The following SCML4 variants were observed in gnomAD, a reference collection of about 807,000 sequenced individuals.
SCML4 encodes Scm polycomb group protein like 4.
A neutral mutation model predicts 41.1 loss-of-function variants in SCML4; 34 were observed. The observed-to-expected ratio is 0.83, with a 90% CI of 0.63 to 1.10. The LOEUF (loss-of-function observed/expected upper bound fraction) is 1.10, where lower values mean the gene tolerates loss of function less well. Ranked by LOEUF, SCML4 falls within the 50% of genes least tolerant of loss-of-function variation. SCML4 has a pLI of 0.00. For missense variants in SCML4, 522 were observed against 534.1 expected (o/e 0.98, Z 0.22); for synonymous variants, 214 against 220.9 (o/e 0.97, Z 0.28).
chr6:107,717,353 A>G (rs2114387121), intron 6 of SCML4, among the ~76,000 whole-genome samples: 1 of 151,980 alleles, frequency 6.6e-6, no homozygotes, highest in East Asian at 1.9e-4. Context: ...CAAAGGATGA[A>G]TAATTTCATT....
At chr6:107,743,042 G>T (rs1777733312) in intron 5 of SCML4, among the ~76,000 whole-genome samples, 1 of 152,158 alleles carries the variant, frequency 6.6e-6, no homozygotes. Flanking sequence ...ACTGTAGGGG[G>T]GATGGAGTTA....
At chr6:107,722,862 C>T (rs1775567353) in intron 5 of SCML4, among the ~76,000 whole-genome samples, 1 of 151,940 alleles carries the variant, frequency 6.6e-6, no homozygotes, top group African/African-American at 2.4e-5. Flanking sequence ...AAATGAATAA[C>T]CTAATCTTCT....
intron 6 of SCML4, among the ~76,000 whole-genome samples, chr6:107,718,283 T>G (rs906705577): frequency 2.0e-5 from 3 of 152,214 alleles, no homozygotes; most frequent in Non-Finnish European, 4.4e-5. Context: ...CGACATCTGA[T>G]GGTCTTATAA....
chr6:107,768,429 T>C, intron 2 of SCML4, among the ~76,000 whole-genome samples: 1 of 152,260 alleles, frequency 6.6e-6, no homozygotes. Flanking sequence ...AACTATTTTG[T>C]TTTTAACATT....
At chr6:107,830,180 T>A in the SCML4 span, among the ~76,000 whole-genome samples, 2 of 152,190 alleles carry the variant, frequency 1.3e-5, no homozygotes, top group African/African-American at 4.8e-5. Flanking sequence ...AGCCATGTGC[T>A]AAAGACATAG....
At chr6:107,821,166 G>A (rs1051109091) in intron 1 of SCML4, among the ~76,000 whole-genome samples, 1 of 152,036 alleles carries the variant, frequency 6.6e-6, no homozygotes, top group African/African-American at 2.4e-5. Context: ...TTGTGGTGTG[G>A]CTTTTGTGAC....
chr6:107,807,000 G>A (rs1783784118), intron 1 of SCML4, among the ~76,000 whole-genome samples: 1 of 152,104 alleles, frequency 6.6e-6, no homozygotes, highest in Admixed American at 6.5e-5. Flanking sequence ...GGTAGGGAGA[G>A]GAGGGAAATT....
the SCML4 span, among the ~76,000 whole-genome samples, chr6:107,829,458 T>C: frequency 6.6e-6 from 1 of 152,186 alleles, no homozygotes; most frequent in East Asian, 1.9e-4. Flanking sequence ...TATTTTTCCT[T>C]TATATGTTCT....
chr6:107,747,034 C>A (rs984989542), intron 3 of SCML4, 145 bp from the exon 4 acceptor site: 7 of 640,470 alleles, frequency 1.1e-5, no homozygotes, highest in Non-Finnish European at 1.9e-5. Flanking sequence ...GGGGTGGATT[C>A]TTCCCAACTT....
intron 7 of SCML4, among the ~76,000 whole-genome samples, chr6:107,705,926 G>A (rs1258539430): frequency 6.6e-6 from 1 of 152,126 alleles, no homozygotes; most frequent in Non-Finnish European, 1.5e-5. Flanking sequence ...GTTTGGTCCC[G>A]GTGTTGCTGC....
At position 107,749,735 on chromosome 6, in the gene SCML4, G is replaced by T; in HGVS notation, c.235C>A (p.Pro79Thr). The T allele has an allele frequency of 6.2e-7, 1 of 1,614,058 alleles. No individual in the cohort carries two copies. The highest frequency in any genetic ancestry group is 2.2e-5 in the East Asian group (1 of 44,876). ...STPEPDLSSIPQDAATVPSLA... is the reference protein window; with the variant it reads ...STPEPDLSSITQDAATVPSLA... ...CTGGGGACCGTGGCTGCGTCCTGAG[G>T]GATGGAGCTGAGGTCGGGCTCTGGG... Residue 79 changes from proline (P) to threonine (T), a missense_variant, in exon 3 of 8, where the codon CCT (proline) becomes ACT (threonine). Coordinates refer to ENST00000369020, the MANE Select transcript of SCML4 (RefSeq NM_198081.5).
At chr6:107,784,952 T>C (rs1212390915) in intron 1 of SCML4, among the ~76,000 whole-genome samples, 2 of 152,186 alleles carry the variant, frequency 1.3e-5, no homozygotes, top group African/African-American at 2.4e-5. Flanking sequence ...CAGGTGCTAG[T>C]GGACATGACC....
intron 6 of SCML4, chr6:107,718,930 CAAG>C (rs984808316): frequency 2.0e-5 from 3 of 152,154 alleles, no homozygotes; most frequent in African/African-American, 7.2e-5. Context: ...AGTGTTTTGA[CAAG>C]AAGACAAAGG....
At chr6:107,707,813 T>C (rs1306033295) in intron 7 of SCML4, 53 bp downstream of exon 7, 1 of 1,550,506 alleles carries the variant, frequency 6.4e-7, no homozygotes, top group East Asian at 2.4e-5. Context: ...CTCACTCTCC[T>C]TCTGTGCCTG....
At chr6:107,761,948 G>A (rs1779637925) in intron 2 of SCML4, among the ~76,000 whole-genome samples, 1 of 151,996 alleles carries the variant, frequency 6.6e-6, no homozygotes, top group Non-Finnish European at 1.5e-5. Flanking sequence ...CAGGTGGAAG[G>A]TCTGATATAC....
At chr6:107,780,358 A>C (rs1023992396) in intron 1 of SCML4, among the ~76,000 whole-genome samples, 3 of 152,182 alleles carry the variant, frequency 2.0e-5, no homozygotes, top group African/African-American at 7.2e-5. Context: ...GCCAAGACTC[A>C]CATGTACTCA....
At chr6:107,746,976 C>T (rs1259893744) in intron 3 of SCML4, 87 bp from the exon 4 acceptor site, 6 of 1,129,390 alleles carry the variant, frequency 5.3e-6, no homozygotes, top group Non-Finnish European at 7.6e-6. Flanking sequence ...GATGCCTCAG[C>T]CATGCCCCTT....
At chr6:107,735,778 G>C (rs1489839567) in intron 5 of SCML4, among the ~76,000 whole-genome samples, 5 of 141,266 alleles carry the variant, frequency 3.5e-5, no homozygotes, top group African/African-American at 1.1e-4. Flanking sequence ...CAGCCTAGAT[G>C]ATGGAGCAAG....
At chr6:107,822,019 G>A (rs1784977712) in intron 1 of SCML4, among the ~76,000 whole-genome samples, 1 of 152,158 alleles carries the variant, frequency 6.6e-6, no homozygotes, top group Non-Finnish European at 1.5e-5. Context: ...TATGATTTCA[G>A]GGAACTTCAG....
Sources: gnomAD v4.1 joint callset for allele counts (sites outside exome capture counted in the v4.1 genomes callset) on GRCh38, gnomAD v4.1.1 for gene constraint, MANE v1.5 for transcripts, NCBI Gene and HGNC (gene_info 2026-07-23, HGNC 2026-07-21) for gene names.